The following DCTN5 variants were observed in gnomAD, a reference collection of about 807,000 sequenced individuals.
DCTN5 encodes the protein dynactin subunit 5, also known as dynactin 4.
A neutral mutation model predicts 23.5 loss-of-function variants in DCTN5; 14 were observed. That is an observed-to-expected ratio of 0.60 (90% CI 0.39 to 0.93). DCTN5 has a LOEUF of 0.93. DCTN5 is among the 40% of genes least tolerant of loss of function. DCTN5 has a pLI of 0.00. For synonymous variants in DCTN5, 67 were observed against 79.6 expected (o/e 0.84, Z 0.84); for missense variants, 156 against 225.9 (o/e 0.69, Z 1.98).
rs532998773 is a variant in DCTN5, at chr16:23,652,502, A to T, written c.118-6005A>T. Among the ~76,000 whole-genome samples the T allele has an allele frequency of 2.6e-5, 4 of 152,334 alleles. No homozygotes were observed. In the East Asian group the frequency reaches 7.7e-4, roughly 29 times the overall value. On this transcript the variant is annotated intron_variant, in intron 2 of 5. Coordinates refer to ENST00000300087, the MANE Select transcript of DCTN5 (RefSeq NM_032486.4). The stretch of plus-strand genomic sequence containing the variant: ...TATGGAACTAAAACCAATCATCTTT[A>T]TTGAGGTATAATTTGCATACAATAA...
intron 1 of DCTN5, 24 bp downstream of exon 1, chr16:23,641,614 C>G: frequency 6.2e-7 from 1 of 1,613,658 alleles, no homozygotes; most frequent in Non-Finnish European, 8.5e-7. Flanking sequence ...GATATGTATC[C>G]TCCTCTTTCC....
chr16:23,672,786 A>T lies in DCTN5; in HGVS notation c.*5642A>T, dbSNP rs375251412. ...TGTTAGTATTACTGTTACTGATAACATACAAATAGATTGTATTAATGGACC... is the reference window on the plus strand; with the variant it reads ...TGTTAGTATTACTGTTACTGATAACTTACAAATAGATTGTATTAATGGACC... On this transcript the variant is annotated 3_prime_UTR_variant, in exon 6 of 6. Coordinates refer to ENST00000300087, the MANE Select transcript of DCTN5 (RefSeq NM_032486.4). 1 of 152,264 alleles carries T rather than the reference A, an allele frequency of 6.6e-6. No homozygotes were observed. Among genetic ancestry groups the T allele is most frequent in the Non-Finnish European group, 1.5e-5 (1 of 68,058 alleles). 9.4% of individuals were successfully genotyped at this position (152,264 alleles called of 1,614,324 possible).
In DCTN5 at chr16:23,661,717, TATAAATAA is replaced by T. The variant is rs370377120; in HGVS notation, c.348+466_348+473del. Among the ~76,000 whole-genome samples, 623 of 148,534 alleles carry T rather than the reference TATAAATAA, an allele frequency of 4.2e-3. 1 individual carries two copies. The highest frequency in any genetic ancestry group is 0.011 in the South Asian group (53 of 4,646). On this transcript the variant is annotated intron_variant, in intron 4 of 5. Transcript: ENST00000300087. ...TGGGCAACAAAACGAGACACTGTCT[TATAAATAA>T]ATAAATAAATAAATAAATAAATAAA...
At chr16:23,659,290 C>T (rs1476375912) in intron 3 of DCTN5, among the ~76,000 whole-genome samples, 1 of 152,122 alleles carries the variant, frequency 6.6e-6, no homozygotes, top group African/African-American at 2.4e-5. Context: ...AAAGACTGTC[C>T]AAGAAAGGCC....
chr16:23,652,264 C>A (rs1484970505), intron 2 of DCTN5, among the ~76,000 whole-genome samples: 1 of 152,168 alleles, frequency 6.6e-6, no homozygotes, highest in Non-Finnish European at 1.5e-5. Context: ...ACCTACCTCC[C>A]TAGCCTGACC....
At chr16:23,653,794 A>G (rs1391297718) in intron 2 of DCTN5, among the ~76,000 whole-genome samples, 1 of 152,240 alleles carries the variant, frequency 6.6e-6, no homozygotes, top group Non-Finnish European at 1.5e-5. Context: ...ATTTTTGCAA[A>G]CTATGCATCT....
chr16:23,658,160 C>T (rs1967744647), intron 2 of DCTN5, among the ~76,000 whole-genome samples: 1 of 152,216 alleles, frequency 6.6e-6, no homozygotes, highest in African/African-American at 2.4e-5. Flanking sequence ...TCTTGGTAAG[C>T]GAGCAGCCAA....
intron 2 of DCTN5, among the ~76,000 whole-genome samples, chr16:23,644,138 T>C (rs1967370562): frequency 6.6e-6 from 1 of 151,880 alleles, no homozygotes; most frequent in African/African-American, 2.4e-5. Context: ...TTTTTTTCCT[T>C]TTTTGTTGAG....
intron 4 of DCTN5, among the ~76,000 whole-genome samples, chr16:23,663,744 CT>C (rs1967858324): frequency 6.6e-6 from 1 of 151,786 alleles, no homozygotes; most frequent in African/African-American, 2.4e-5. Flanking sequence ...GAAGTTTCAG[CT>C]TTTACCTCCT....
chr16:23,651,462 T>C (rs1226985690), intron 2 of DCTN5, among the ~76,000 whole-genome samples: 1 of 152,358 alleles, frequency 6.6e-6, no homozygotes, highest in Non-Finnish European at 1.5e-5. Flanking sequence ...GTGTATAGTT[T>C]AGGCTGACAA....
rs1345881631 is a variant in DCTN5 at position 23,675,797 on chromosome 16, C to T, written c.*8653C>T. ...CAACAGAGTGGGTCTAGCTTCTATG[C>T]TTTCCATGAAGATCTCCCACAAATG... On this transcript the variant is annotated 3_prime_UTR_variant, in exon 6 of 6. Coordinates refer to ENST00000300087, the MANE Select transcript of DCTN5 (RefSeq NM_032486.4). 1.3e-5 allele frequency: 2 copies of T among 152,210 alleles called. No individual in the cohort carries two copies. Among genetic ancestry groups the T allele is most frequent in the African/African-American group, 4.8e-5 (2 of 41,454 alleles). 9.4% of individuals were successfully genotyped at this position (152,210 alleles called of 1,614,324 possible).
At position 23,673,144 on chromosome 16, in the gene DCTN5, A is replaced by T. The variant is rs1968037536; in HGVS notation, c.*6000A>T. The T allele has an allele frequency of 6.7e-6, 1 of 150,018 alleles. No homozygotes were observed. Among genetic ancestry groups the T allele is most frequent in the Admixed American group, 6.6e-5 (1 of 15,078 alleles). The allele number at this position is 150,018 out of a possible 1,614,324, so 9.3% of individuals were successfully genotyped here. A position where few individuals can be genotyped will look rare whatever the true frequency, so the allele number is the denominator to read the frequency against. ...CTCCGTCTCAAAAAAAAAAAAAAAA[A>T]CCACAACAACAACAACAAAAATTCC... On this transcript the variant is annotated 3_prime_UTR_variant, in exon 6 of 6. Coordinates refer to ENST00000300087, the MANE Select transcript of DCTN5 (RefSeq NM_032486.4).
intron 4 of DCTN5, among the ~76,000 whole-genome samples, chr16:23,665,267 A>G (rs1473223755): frequency 6.6e-6 from 1 of 152,170 alleles, no homozygotes; most frequent in African/African-American, 2.4e-5. Context: ...ACCGAGGAAA[A>G]TACAGGTTCT....
At chr16:23,661,375 G>A (rs1431884274) in intron 4 of DCTN5, 94 bp downstream of exon 4, 3 of 836,076 alleles carry the variant, frequency 3.6e-6, no homozygotes, top group Admixed American at 2.3e-5. Flanking sequence ...GACTAAGCAG[G>A]GTAGCAGTGG....
At chr16:23,658,276 G>A (rs1463483691) in intron 2 of DCTN5, among the ~76,000 whole-genome samples, 1 of 152,192 alleles carries the variant, frequency 6.6e-6, no homozygotes, top group African/African-American at 2.4e-5. Context: ...TTCTATTCAT[G>A]GGGGATTAAG....
intron 2 of DCTN5, among the ~76,000 whole-genome samples, chr16:23,655,576 C>T (rs1396140945): frequency 6.6e-6 from 1 of 150,876 alleles, no homozygotes; most frequent in Non-Finnish European, 1.5e-5. Flanking sequence ...CACAGTCTTG[C>T]TCTGTCACCC....
Position 23,671,292 on chromosome 16 carries a change from A to AT in DCTN5, c.*4148_*4149insT, listed in dbSNP as rs1968002474. 7.2e-6 allele frequency: 1 copy of AT among 138,054 alleles called. No homozygotes were observed. Among genetic ancestry groups the AT allele is most frequent in the Non-Finnish European group, 1.6e-5 (1 of 63,484 alleles). The allele number at this position is 138,054 out of a possible 1,614,324, so 8.6% of individuals were successfully genotyped here. On this transcript the variant is annotated 3_prime_UTR_variant, in exon 6 of 6. Transcript: ENST00000300087. ...TACTGGCTCAGGGTGAGCACTCAATAAACGGCAGTTTATTAGGCACTTTTA... is the reference window on the plus strand; with the variant it reads ...TACTGGCTCAGGGTGAGCACTCAATATAACGGCAGTTTATTAGGCACTTTTA...
intron 2 of DCTN5, among the ~76,000 whole-genome samples, chr16:23,651,766 T>G (rs1967610404): frequency 6.6e-6 from 1 of 152,222 alleles, no homozygotes; most frequent in African/African-American, 2.4e-5. Context: ...GGCTCATGCC[T>G]ATAATCCCAG....
chr16:23,642,842 A>C (rs2140967075), intron 1 of DCTN5, 113 bp from the exon 2 acceptor site: 1 of 868,034 alleles, frequency 1.2e-6, no homozygotes, highest in Non-Finnish European at 1.9e-6. Flanking sequence ...TCCATTGTGG[A>C]CAGCACCCCA....
Sources: gnomAD v4.1 joint callset for allele counts (sites outside exome capture counted in the v4.1 genomes callset) on GRCh38, gnomAD v4.1.1 for gene constraint, MANE v1.5 for transcripts, NCBI Gene and HGNC (gene_info 2026-07-23, HGNC 2026-07-21) for gene names.